Variants in NTRK1 observed in about 807,000 individuals in gnomAD.
NTRK1 encodes neurotrophic receptor tyrosine kinase 1, also known as high affinity nerve growth factor receptor.
In NTRK1, 62 loss-of-function variants were observed where a neutral mutation model predicts 86.8. That is an observed-to-expected ratio of 0.71 (90% CI 0.58 to 0.88). The LOEUF (loss-of-function observed/expected upper bound fraction) is 0.88. Ranked by LOEUF, NTRK1 falls within the 40% of genes least tolerant of loss-of-function variation. NTRK1 has a pLI of 0.00. For synonymous variants in NTRK1, 469 were observed against 456.6 expected, an observed-to-expected ratio of 1.03 and a Z score of -0.35; for missense variants, 967 against 1,078.4, an observed-to-expected ratio of 0.90 and a Z score of 1.45.
At position 156,861,079 on chromosome 1, in the gene NTRK1, C is replaced by T. The variant is rs768100152; in HGVS notation, c.145C>T (p.Arg49Ter). Residue 49 changes from arginine (R) to a stop codon, truncating the protein, a stop_gained, in exon 1 of 17, where the codon CGA becomes TGA. Coordinates refer to ENST00000524377, the MANE Select transcript of NTRK1 (RefSeq NM_002529.4). LOFTEE classifies it high-confidence loss of function. ...ACCPHGSSGL[R>*]CTRDGALDSL... Reference sequence around the variant, plus strand: ...CTGCCCCCACGGCTCCTCGGGACTGCGATGCACCCGGGATGGGGCCCTGGA... The same window carrying T: ...CTGCCCCCACGGCTCCTCGGGACTGTGATGCACCCGGGATGGGGCCCTGGA... The T allele has an allele frequency of 6.3e-7, 1 of 1,577,168 alleles. No individual in the cohort carries two copies.
chr1:156,853,962 T>C, intron 2 of NTRK1: 1 of 1,613,172 alleles, frequency 6.2e-7, no homozygotes, highest in Non-Finnish European at 8.5e-7. Flanking sequence ...TCCTGGTTCT[T>C]CTCCACACGC....
At chr1:156,840,958 C>A in intron 1 of NTRK1, 1 of 1,613,842 alleles carries the variant, frequency 6.2e-7, no homozygotes, top group Non-Finnish European at 8.5e-7. Context: ...AGGCAGGGAG[C>A]CCCGGGCCCC....
chr1:156,825,179 G>A lies in NTRK1; in HGVS notation c.-64+9341G>A, dbSNP rs143218775. The stretch of plus-strand genomic sequence containing the variant: ...GGTGGGATTACAGGCATGAGCCACT[G>A]CACCTGGCCCAGTAGGGACCTCTCT... On this transcript the variant is annotated intron_variant, in intron 1 of 16. Coordinates refer to the NTRK1 transcript ENST00000392302. Among the ~76,000 whole-genome samples, 775 of 152,324 alleles carry A rather than the reference G, an allele frequency of 5.1e-3. 5 individuals carry two copies. The highest frequency in any genetic ancestry group is 0.018 in the African/African-American group (730 of 41,578).
At position 156,854,193 on chromosome 1, in the gene NTRK1, C is replaced by A; in HGVS notation, c.51-10161C>A. On this transcript the variant is annotated intron_variant, in intron 2 of 16. Transcript: ENST00000392302. The surrounding 1 kb of genome is among the most constrained non-coding windows in gnomAD (Gnocchi z 4.2). Reference sequence around the variant, plus strand: ...GGGAAGCTGAGGCCGCGGAAGTCCTCCCCGGTGGCTGTGAACATGAGCAGG... The same window carrying A: ...GGGAAGCTGAGGCCGCGGAAGTCCTACCCGGTGGCTGTGAACATGAGCAGG... The A allele has an allele frequency of 6.2e-7, 1 of 1,614,092 alleles. No homozygotes were observed.
intron 7 of NTRK1, 151 bp downstream of exon 7, chr1:156,871,906 G>T: frequency 1.8e-6 from 2 of 1,128,880 alleles, no homozygotes; most frequent in East Asian, 2.5e-5. Context: ...ATGAAAACCT[G>T]ATCCTTTGGG....
intron 1 of NTRK1, chr1:156,841,562 C>T (rs1654783857): frequency 1.9e-6 from 3 of 1,613,826 alleles, no homozygotes; most frequent in Non-Finnish European, 2.5e-6. Flanking sequence ...AGCCCAGCAC[C>T]CTTCGTGCTA....
At chr1:156,846,520 T>G (rs1558086935) in intron 2 of NTRK1, 4 of 1,611,978 alleles carry the variant, frequency 2.5e-6, no homozygotes, top group Non-Finnish European at 3.4e-6. Flanking sequence ...AATGCCTACC[T>G]GCAGGCAGCG....
At chr1:156,826,981 C>G (rs1262343554) in intron 1 of NTRK1, among the ~76,000 whole-genome samples, 5 of 152,208 alleles carry the variant, frequency 3.3e-5, no homozygotes, top group Admixed American at 3.3e-4. Context: ...GATTCTATGC[C>G]TACAGTTCAC....
chr1:156,836,816 T>C (rs541963918), intron 1 of NTRK1, among the ~76,000 whole-genome samples: 1 of 99,408 alleles, frequency 1.0e-5, no homozygotes, highest in African/African-American at 2.9e-5. Flanking sequence ...CAGGGCTGAA[T>C]GAGGAGCATA....
At chr1:156,871,847 G>A (rs2102900744) in intron 7 of NTRK1, 92 bp downstream of exon 7, 1 of 1,546,698 alleles carries the variant, frequency 6.5e-7, no homozygotes, top group Non-Finnish European at 8.9e-7. Context: ...AAGAAAGGGT[G>A]GGATGTGTGT....
rs797045060 is a variant in NTRK1, at chr1:156,873,822, G to A, written c.1040G>A (p.Arg347His). 14 of 1,611,852 alleles carry A rather than the reference G, an allele frequency of 8.7e-6. No individual in the cohort carries two copies. The highest frequency in any genetic ancestry group is 1.1e-5 in the South Asian group (1 of 90,590). The change falls in exon 8 of 17, where the codon CGC (arginine) becomes CAC (histidine). Residue 347 changes from arginine (R) to histidine (H), a missense_variant. Coordinates refer to ENST00000524377, the MANE Select transcript of NTRK1 (RefSeq NM_002529.4). The part of the protein sequence containing the change: ...ANETVRHGCL[R>H]LNQPTHVNNG... Reference sequence around the variant, plus strand: ...GAGACCGTGCGGCACGGGTGTCTGCGCCTCAACCAGCCCACCCACGTCAAC... The same window carrying A: ...GAGACCGTGCGGCACGGGTGTCTGCACCTCAACCAGCCCACCCACGTCAAC...
At chr1:156,846,069 G>A in intron 2 of NTRK1, 1 of 1,611,980 alleles carries the variant, frequency 6.2e-7, no homozygotes, top group Non-Finnish European at 8.5e-7. Flanking sequence ...CGCACCAGGA[G>A]GTGGGAGGAG....
chr1:156,841,071 G>A (rs747882547), intron 1 of NTRK1: 3 of 1,572,820 alleles, frequency 1.9e-6, no homozygotes, highest in Non-Finnish European at 2.6e-6. Context: ...GCAGGCGTGG[G>A]TTCGGCTGCC....
At chr1:156,879,904 G>T in intron 15 of NTRK1, 95 bp from the exon 16 acceptor site, 1 of 1,509,632 alleles carries the variant, frequency 6.6e-7, no homozygotes, top group Non-Finnish European at 9.1e-7. Flanking sequence ...CACCGAGCTT[G>T]TGTATTTATT....
At chr1:156,842,155 G>A in exon 2 of NTRK1, 1 of 1,614,082 alleles carries the variant, frequency 6.2e-7, no homozygotes, top group Non-Finnish European at 8.5e-7. Flanking sequence ...TGCAGTTGCG[G>A]GCTGCTAGAT....
rs148166430 is a variant in NTRK1 at position 156,837,535 on chromosome 1, G to T, written c.-63-4546G>T. ...GCTCTCTGCCTCCTGTGCAAAGAAA[G>T]GGGGTGGACAGGGAGTGTCAGTACT... On this transcript the variant is annotated intron_variant, in intron 1 of 16. Transcript: ENST00000392302. Among the ~76,000 whole-genome samples the T allele has an allele frequency of 2.6e-5, 4 of 152,330 alleles. No homozygotes were observed. The East Asian group carries it at 7.7e-4, about 29-fold the overall frequency.
intron 1 of NTRK1, chr1:156,837,798 A>G (rs1482129398): frequency 6.6e-6 from 1 of 152,222 alleles, no homozygotes; most frequent in Non-Finnish European, 1.5e-5. Flanking sequence ...GTGCGTCCAC[A>G]CTGGGCCAAG....
upstream of NTRK1, among the ~76,000 whole-genome samples, chr1:156,857,587 G>A (rs1299212075): frequency 6.6e-6 from 1 of 152,054 alleles, no homozygotes; most frequent in African/African-American, 2.4e-5. Context: ...CGGTGGTCGG[G>A]GGAGTGGTGC....
At chr1:156,878,610 TC>T (rs1438052865) in intron 14 of NTRK1, among the ~76,000 whole-genome samples, 1 of 152,102 alleles carries the variant, frequency 6.6e-6, no homozygotes, top group Non-Finnish European at 1.5e-5. Context: ...ACCCGAGTGC[TC>T]GCTCTGGGGA....
Sources: allele counts gnomAD v4.1 joint callset (sites outside exome capture counted in the v4.1 genomes callset), GRCh38; gene constraint gnomAD v4.1.1; non-coding constraint Gnocchi (gnomAD v3.1); transcripts MANE v1.5; gene names NCBI Gene and HGNC (gene_info 2026-07-23, HGNC 2026-07-21).